The following LRRTM4 variants were observed in gnomAD, a reference collection of about 807,000 sequenced individuals.
The protein encoded by LRRTM4 is leucine-rich repeat transmembrane neuronal protein 4.
A neutral mutation model predicts 47.6 loss-of-function variants in LRRTM4; 25 were observed. The ratio of observed to expected loss-of-function variants is 0.53; its 90% CI spans 0.38 to 0.73. LRRTM4 has a LOEUF of 0.73. LRRTM4 is among the 30% of genes least tolerant of loss of function. The pLI, the probability that LRRTM4 is intolerant of heterozygous loss-of-function variation, is 0.00. For missense variants in LRRTM4, 638 were observed against 713.4 expected, an observed-to-expected ratio of 0.89 and a Z score of 1.20; for synonymous variants, 311 against 269.5, an observed-to-expected ratio of 1.15 and a Z score of -1.51.
chr2:77,271,625 C>T (rs1484350634), intron 3 of LRRTM4, among the ~76,000 whole-genome samples: 4 of 152,198 alleles, frequency 2.6e-5, no homozygotes, highest in African/African-American at 4.8e-5. Flanking sequence ...AGAGTCTACA[C>T]CATATCATAG....
At chr2:76,913,809 G>T (rs1040485813) in intron 3 of LRRTM4, among the ~76,000 whole-genome samples, 2 of 151,814 alleles carry the variant, frequency 1.3e-5, no homozygotes, top group African/African-American at 4.8e-5. Context: ...AAAGTGCTGG[G>T]ATTACAGGCG....
At position 76,839,338 on chromosome 2, in the gene LRRTM4, TCA is replaced by T. The variant is rs571430986; in HGVS notation, c.1552-90424_1552-90423del. Among the ~76,000 whole-genome samples the T allele has an allele frequency of 2.0e-5, 3 of 152,068 alleles. No individual in the cohort carries two copies. The South Asian group carries it at 6.2e-4, about 31-fold the overall frequency. On this transcript the variant is annotated intron_variant, in intron 3 of 3. Transcript: ENST00000409884. ...TACTCAGGTGTCAGAGGGGCAAAAC[TCA>T]CAGTAGAAAGGAGAAAATGATCAAT... is the stretch of plus-strand genomic sequence containing the variant.
intron 3 of LRRTM4, among the ~76,000 whole-genome samples, chr2:77,246,022 G>T (rs1239714099): frequency 1.3e-5 from 2 of 152,130 alleles, no homozygotes; most frequent in African/African-American, 4.8e-5. Context: ...TAAATCCTTA[G>T]CTGAGTTACT....
chr2:77,081,247 A>AACACACACAC (rs58897041), intron 3 of LRRTM4, among the ~76,000 whole-genome samples: 427 of 139,990 alleles, frequency 3.1e-3, no homozygotes, highest in South Asian at 5.0e-3. Context: ...ACCTGACAGC[A>AACACACACAC]ACACACACAC....
At chr2:77,122,207 G>A (rs1056188856) in intron 3 of LRRTM4, among the ~76,000 whole-genome samples, 4 of 151,546 alleles carry the variant, frequency 2.6e-5, no homozygotes, top group Non-Finnish European at 5.9e-5. Context: ...ATTAAATTGA[G>A]TTCAATATGT....
At chr2:76,992,958 G>A (rs1007484873) in intron 3 of LRRTM4, among the ~76,000 whole-genome samples, 2 of 151,576 alleles carry the variant, frequency 1.3e-5, no homozygotes, top group Non-Finnish European at 2.9e-5. Context: ...AGAAAACCCA[G>A]AAATAAAGCC....
chr2:77,194,811 C>T (rs955611676), intron 3 of LRRTM4, among the ~76,000 whole-genome samples: 5 of 151,652 alleles, frequency 3.3e-5, no homozygotes, highest in African/African-American at 1.2e-4. Flanking sequence ...GTGATGACAC[C>T]AAGTTACCAC....
At chr2:77,027,961 T>C (rs1027214059) in intron 3 of LRRTM4, among the ~76,000 whole-genome samples, 1 of 145,548 alleles carries the variant, frequency 6.9e-6, no homozygotes, top group Non-Finnish European at 1.5e-5. Flanking sequence ...TTCTCTCTTA[T>C]CTAGTATTTG....
chr2:76,817,183 A>G (rs1432717847), intron 3 of LRRTM4, among the ~76,000 whole-genome samples: 1 of 152,020 alleles, frequency 6.6e-6, no homozygotes, highest in Non-Finnish European at 1.5e-5. Flanking sequence ...CCTGAAAACC[A>G]TGAGTGCCAG....
intron 3 of LRRTM4, among the ~76,000 whole-genome samples, chr2:77,015,202 G>C (rs1484519059): frequency 1.3e-5 from 2 of 152,154 alleles, no homozygotes; most frequent in Non-Finnish European, 2.9e-5. Context: ...CTACCCTAGA[G>C]ATTTCAGACT....
At chr2:77,222,656 G>A (rs1371186001) in intron 3 of LRRTM4, among the ~76,000 whole-genome samples, 1 of 152,148 alleles carries the variant, frequency 6.6e-6, no homozygotes, top group Non-Finnish European at 1.5e-5. Context: ...GACTAAACCA[G>A]GAAGAAGTTG....
At chr2:76,936,460 T>G (rs1012928940) in intron 3 of LRRTM4, among the ~76,000 whole-genome samples, 2 of 151,390 alleles carry the variant, frequency 1.3e-5, no homozygotes, top group African/African-American at 4.8e-5. Context: ...AGGGGAGGGA[T>G]AGCATTAGGA....
chr2:77,093,301 C>T (rs947312989), intron 3 of LRRTM4, among the ~76,000 whole-genome samples: 5 of 149,286 alleles, frequency 3.3e-5, no homozygotes, highest in Non-Finnish European at 5.9e-5. Flanking sequence ...TGCTGAATCT[C>T]CTTAGGCACT....
chr2:76,881,833 T>A (rs1672938739), intron 3 of LRRTM4, among the ~76,000 whole-genome samples: 2 of 152,198 alleles, frequency 1.3e-5, no homozygotes, highest in Admixed American at 1.3e-4. Flanking sequence ...TTGATTTATA[T>A]ACTCCATCCT....
chr2:77,425,043 A>C (rs1675052088), intron 3 of LRRTM4, among the ~76,000 whole-genome samples: 1 of 152,212 alleles, frequency 6.6e-6, no homozygotes, highest in Non-Finnish European at 1.5e-5. Context: ...TTAAAAAACT[A>C]TTCCAATTAC....
intron 3 of LRRTM4, among the ~76,000 whole-genome samples, chr2:77,444,257 G>A (rs1467576245): frequency 2.6e-5 from 4 of 152,124 alleles, no homozygotes. Context: ...TATGACAGAT[G>A]TGGATCACAT....
intron 3 of LRRTM4, among the ~76,000 whole-genome samples, chr2:76,968,015 T>C (rs2103930958): frequency 6.6e-6 from 1 of 150,598 alleles, no homozygotes; most frequent in African/African-American, 2.5e-5. Context: ...CCTCATTTTA[T>C]TAAAAAGGCA....
chr2:76,807,413 T>TACAA (rs1431422391), intron 3 of LRRTM4, among the ~76,000 whole-genome samples: 1 of 95,032 alleles, frequency 1.1e-5, no homozygotes, highest in Non-Finnish European at 2.0e-5. Context: ...TATACGTATA[T>TACAA]ATATATATAT....
intron 3 of LRRTM4, among the ~76,000 whole-genome samples, chr2:77,097,265 A>G (rs978233926): frequency 6.6e-6 from 1 of 151,980 alleles, no homozygotes. Context: ...GACAAAAGCT[A>G]CTGACCCATC....
Sources: gnomAD v4.1 joint callset for allele counts (sites outside exome capture counted in the v4.1 genomes callset) on GRCh38, gnomAD v4.1.1 for gene constraint, MANE v1.5 for transcripts, NCBI Gene and HGNC (gene_info 2026-07-23, HGNC 2026-07-21) for gene names.